Variants in CEP170 observed in about 807,000 individuals in gnomAD.
CEP170 encodes the protein centrosomal protein of 170 kDa.
A neutral mutation model predicts 151.9 loss-of-function variants in CEP170; 21 were observed. The observed-to-expected ratio is 0.14, with a 90% CI of 0.10 to 0.20. The LOEUF is 0.20. Ranked by LOEUF, CEP170 falls within the 10% of genes least tolerant of loss-of-function variation. The probability of loss-of-function intolerance (pLI) is 1.00; values close to 1 mark genes in which losing one functional copy is unlikely to be tolerated. For synonymous variants in CEP170, 356 were observed against 648.8 expected (o/e 0.55, Z 6.86); for missense variants, 964 against 1,892.9 (o/e 0.51, Z 9.11).
chr1:243,243,022 C>A (rs2065011818), intron 1 of CEP170, among the ~76,000 whole-genome samples: 1 of 152,206 alleles, frequency 6.6e-6, no homozygotes. Context: ...ATTGTTGATT[C>A]TCTATAGCAG....
chr1:243,146,677 A>C (rs2056529827), intron 14 of CEP170, among the ~76,000 whole-genome samples: 1 of 152,086 alleles, frequency 6.6e-6, no homozygotes, highest in Non-Finnish European at 1.5e-5. Flanking sequence ...AAAAAAAAAA[A>C]AAAACCCGAG....
chr1:243,202,388 C>G (rs2061106553), intron 4 of CEP170, among the ~76,000 whole-genome samples: 1 of 151,998 alleles, frequency 6.6e-6, no homozygotes, highest in African/African-American at 2.4e-5. Flanking sequence ...CACTAAAATC[C>G]CAGACTTCAC....
chr1:243,197,406 G>A (rs1357903636), intron 7 of CEP170, among the ~76,000 whole-genome samples: 1 of 152,098 alleles, frequency 6.6e-6, no homozygotes, highest in Non-Finnish European at 1.5e-5. Flanking sequence ...TTCAAGGTGA[G>A]CAAGACTGGT....
At chr1:243,151,509 C>T (rs1572269345) in intron 14 of CEP170, among the ~76,000 whole-genome samples, 1 of 152,036 alleles carries the variant, frequency 6.6e-6, no homozygotes, top group African/African-American at 2.4e-5. Flanking sequence ...AAACCAGCCA[C>T]AACATTCCCT....
At chr1:243,130,346 G>A (rs1397969444) in intron 17 of CEP170, among the ~76,000 whole-genome samples, 2 of 152,096 alleles carry the variant, frequency 1.3e-5, no homozygotes, top group Non-Finnish European at 2.9e-5. Context: ...ATTCGTGTTA[G>A]TATACTTGCA....
chr1:243,229,526 A>G (rs1193869414), intron 1 of CEP170, among the ~76,000 whole-genome samples: 2 of 152,122 alleles, frequency 1.3e-5, no homozygotes, highest in African/African-American at 4.8e-5. Context: ...GAGGGTGACA[A>G]ATGTCATGGA....
chr1:243,205,576 T>C (rs1216302092), intron 4 of CEP170, among the ~76,000 whole-genome samples: 4 of 152,134 alleles, frequency 2.6e-5, no homozygotes, highest in African/African-American at 7.2e-5. Context: ...CTTGCCTCAG[T>C]AGTTGGGAAT....
chr1:243,198,844 C>T (rs185179297), intron 7 of CEP170, among the ~76,000 whole-genome samples: 14,939 of 150,664 alleles, frequency 0.099, 974 homozygotes, highest in Non-Finnish European at 0.14. Context: ...AATAGAAGTG[C>T]TTTATAAAGA....
chr1:243,197,049 A>G (rs1389369402), intron 7 of CEP170, among the ~76,000 whole-genome samples: 2 of 152,116 alleles, frequency 1.3e-5, no homozygotes, highest in Admixed American at 6.6e-5. Flanking sequence ...TTAAAAATCT[A>G]TTTGGCAGGC....
At chr1:243,189,694 TTTA>T (rs1326502135) in intron 8 of CEP170, among the ~76,000 whole-genome samples, 3 of 152,058 alleles carry the variant, frequency 2.0e-5, no homozygotes, top group Admixed American at 6.6e-5. Context: ...TCAGTTTTTG[TTTA>T]TTAAGAGTGG....
intron 2 of CEP170, among the ~76,000 whole-genome samples, chr1:243,224,305 G>A (rs1299647738): frequency 6.6e-6 from 1 of 151,792 alleles, no homozygotes; most frequent in South Asian, 2.1e-4. Context: ...TTTTTTTCCT[G>A]TTACTTAAAC....
At chr1:243,217,222 T>A (rs886315069) in intron 3 of CEP170, among the ~76,000 whole-genome samples, 17 of 152,158 alleles carry the variant, frequency 1.1e-4, no homozygotes, top group Admixed American at 3.9e-4. Flanking sequence ...TGACTCTAAT[T>A]ACAAAACAGA....
intron 13 of CEP170, among the ~76,000 whole-genome samples, chr1:243,161,770 C>A (rs1356083669): frequency 1.3e-5 from 2 of 152,072 alleles, no homozygotes; most frequent in Non-Finnish European, 2.9e-5. Context: ...TTATACTGTG[C>A]ACAGCAACAC....
rs116391574 is a variant in CEP170, at chr1:243,138,935, A to G, written c.4230+1002T>C. Among the ~76,000 whole-genome samples, 573 of 152,308 alleles carry G rather than the reference A, an allele frequency of 3.8e-3. 4 individuals are homozygous for G. The highest frequency in any genetic ancestry group is 0.012 in the African/African-American group (510 of 41,566). ...CCAACTTAACCTCCACCAACCACAC[A>G]TAAGAAAGCCTATGTAGCTACCTTT... On this transcript the variant is annotated intron_variant, in intron 16 of 19. Coordinates refer to ENST00000366542, the MANE Select transcript of CEP170 (RefSeq NM_014812.3).
chr1:243,208,455 T>C (rs1384102555), intron 4 of CEP170, among the ~76,000 whole-genome samples: 3 of 152,198 alleles, frequency 2.0e-5, no homozygotes, highest in Admixed American at 6.5e-5. Flanking sequence ...CGAGAACTGA[T>C]ATATTCTGAC....
At chr1:243,155,017 ATG>A (rs1213043228) in intron 14 of CEP170, among the ~76,000 whole-genome samples, 1 of 152,134 alleles carries the variant, frequency 6.6e-6, no homozygotes, top group Non-Finnish European at 1.5e-5. Flanking sequence ...GTACAAAAAA[ATG>A]TGTCAAGATG....
chr1:243,186,883 T>C (rs1284761385), intron 8 of CEP170, among the ~76,000 whole-genome samples: 1 of 152,244 alleles, frequency 6.6e-6, no homozygotes. Flanking sequence ...ATAAGTATGG[T>C]AAAAATGTGA....
intron 10 of CEP170, among the ~76,000 whole-genome samples, chr1:243,174,014 T>C (rs992966711): frequency 9.9e-5 from 15 of 152,232 alleles, no homozygotes. Context: ...CAAACTGTAT[T>C]TGCCTAACAA....
At chr1:243,194,377 ATAATAG>A (rs1289484008) in intron 7 of CEP170, among the ~76,000 whole-genome samples, 1 of 151,996 alleles carries the variant, frequency 6.6e-6, no homozygotes, top group African/African-American at 2.4e-5. Flanking sequence ...ATTGATATAT[ATAATAG>A]TAATACTGAT....
Sources: gnomAD v4.1 joint callset for allele counts (sites outside exome capture counted in the v4.1 genomes callset) on GRCh38, gnomAD v4.1.1 for gene constraint, MANE v1.5 for transcripts, NCBI Gene and HGNC (gene_info 2026-07-23, HGNC 2026-07-21) for gene names.